The following DDX60L variants were observed in gnomAD, a reference collection of about 807,000 sequenced individuals.
DDX60L encodes the protein probable ATP-dependent RNA helicase DDX60-like.
In DDX60L, 191 loss-of-function variants were observed where a neutral mutation model predicts 211.6. The observed-to-expected ratio is 0.90, with a 90% CI of 0.80 to 1.02. DDX60L has a LOEUF of 1.02. Among genes scored for constraint, DDX60L ranks in the 50% least tolerant of loss-of-function variants. DDX60L has a pLI of 0.00. For synonymous variants in DDX60L, 706 were observed against 694.1 expected (o/e 1.02, Z -0.27); for missense variants, 2,007 against 1,984.1 (o/e 1.01, Z -0.22).
intron 22 of DDX60L, among the ~76,000 whole-genome samples, chr4:168,410,430 G>T (rs928834776): frequency 2.0e-4 from 31 of 152,304 alleles, no homozygotes; most frequent in Non-Finnish European, 3.7e-4. Context: ...GAAAGTCTAA[G>T]TTATAGAAGA....
rs776385903 is a variant in DDX60L, at chr4:168,394,594, T to G, written c.3681A>C (p.Arg1227=). Residue 1227 remains arginine (R), a synonymous_variant, in exon 28 of 38, where the codon CGA becomes CGC. Coordinates refer to ENST00000682922, the MANE Select transcript of DDX60L (RefSeq NM_001012967.3). ...CTTTGCCGTGTCTTGTAAATCGCACTCGCGGTAATACCCTCTCCAAAGTCT... is the reference window on the plus strand; with the variant it reads ...CTTTGCCGTGTCTTGTAAATCGCACGCGCGGTAATACCCTCTCCAAAGTCT... ...KDSTLERVLP[R]VRFTRHGKEL... The G allele has an allele frequency of 6.2e-7, 1 of 1,612,834 alleles. No individual in the cohort carries two copies. Among genetic ancestry groups the G allele is most frequent in the Non-Finnish European group, 8.5e-7 (1 of 1,179,512 alleles).
intron 34 of DDX60L, among the ~76,000 whole-genome samples, chr4:168,374,075 G>A (rs1379974327): frequency 6.6e-6 from 1 of 151,744 alleles, no homozygotes; most frequent in African/African-American, 2.4e-5. Flanking sequence ...AAACCTCCTA[G>A]ACATGATGTT....
chr4:168,394,339 G>T, intron 28 of DDX60L, 126 bp downstream of exon 28: 1 of 664,506 alleles, frequency 1.5e-6, no homozygotes, highest in Non-Finnish European at 2.5e-6. Flanking sequence ...GTCCAGTCCA[G>T]TGAGTTGTAA....
At chr4:168,436,070 T>C (rs1753001351) in intron 10 of DDX60L, among the ~76,000 whole-genome samples, 1 of 152,000 alleles carries the variant, frequency 6.6e-6, no homozygotes. Context: ...CAATAAAAAA[T>C]AAAGTATAAT....
chr4:168,398,147 G>T (rs1360379866), intron 26 of DDX60L, among the ~76,000 whole-genome samples: 1 of 152,146 alleles, frequency 6.6e-6, no homozygotes, highest in African/African-American at 2.4e-5. Context: ...CCTTCCCTCT[G>T]CAGGTTTGGA....
Position 168,472,330 on chromosome 4 carries a change from C to A in DDX60L, c.74+125G>T, listed in dbSNP as rs141633056. ...TATAGGAAGAAGAGTGCGTTCCCAT[C>A]ATCTCCAAGCTGCTCCAAGATAAAT... On this transcript the variant is annotated intron_variant, in intron 3 of 37. Coordinates refer to ENST00000682922, the MANE Select transcript of DDX60L (RefSeq NM_001012967.3). The A allele has an allele frequency of 1.8e-4, 130 of 712,008 alleles. No homozygotes were observed. The East Asian group carries it at 3.5e-3, about 19-fold the overall frequency. 44.1% of individuals were successfully genotyped at this position (712,008 alleles called of 1,614,324 possible). A position where few individuals can be genotyped will look rare whatever the true frequency, so the allele number is the denominator to read the frequency against.
chr4:168,369,631 C>A (rs1740636742), intron 36 of DDX60L, among the ~76,000 whole-genome samples: 1 of 151,890 alleles, frequency 6.6e-6, no homozygotes, highest in African/African-American at 2.4e-5. Flanking sequence ...AAGAAAACAA[C>A]AGAGTGGAGA....
At chr4:168,420,664 G>C (rs1205378495) in intron 17 of DDX60L, among the ~76,000 whole-genome samples, 1 of 138,914 alleles carries the variant, frequency 7.2e-6, no homozygotes, top group Non-Finnish European at 1.6e-5. Flanking sequence ...TAGATAGATA[G>C]ATAGATAGAT....
In DDX60L at chr4:168,457,899, A is replaced by C; in HGVS notation, c.716T>G (p.Met239Arg). 2.0e-6 allele frequency: 3 copies of C among 1,522,552 alleles called. No individual in the cohort carries two copies. The highest frequency in any genetic ancestry group is 2.1e-5 in the Admixed American group (1 of 47,028). The allele number at this position is 1,522,552 out of a possible 1,614,324, so 94.3% of individuals were successfully genotyped here. Reference sequence around the variant, plus strand: ...AAATAAAAATTTTAATACCTCTTCCATCATATCATTCCATTTCAAATGTTC... The same window carrying C: ...AAATAAAAATTTTAATACCTCTTCCCTCATATCATTCCATTTCAAATGTTC... ...HFEHLKWNDM[M>R]EEAYQTLFLL... is the part of the protein sequence containing the mutation. The change falls in exon 6 of 38, where the codon ATG becomes AGG. Residue 239 changes from methionine to arginine, a missense_variant. Transcript: ENST00000682922.
At chr4:168,455,171 CTTTT>C (rs1442839585) in intron 7 of DDX60L, among the ~76,000 whole-genome samples, 10 of 151,212 alleles carry the variant, frequency 6.6e-5, no homozygotes, top group Non-Finnish European at 1.5e-5. Context: ...TTATTTCTTT[CTTTT>C]TCTTTTTCTT....
intron 34 of DDX60L, 73 bp downstream of exon 34, chr4:168,375,304 A>G: frequency 6.7e-7 from 1 of 1,490,432 alleles, no homozygotes; most frequent in Non-Finnish European, 9.2e-7. Flanking sequence ...GAAGCATCCA[A>G]TATCCAGAGG....
intron 33 of DDX60L, among the ~76,000 whole-genome samples, chr4:168,376,492 G>C (rs1385492257): frequency 6.6e-6 from 1 of 152,106 alleles, no homozygotes; most frequent in Non-Finnish European, 1.5e-5. Context: ...TCTTACAAAA[G>C]GCAACCGTGT....
chr4:168,410,218 T>A (rs1748448642), intron 22 of DDX60L, among the ~76,000 whole-genome samples: 1 of 151,960 alleles, frequency 6.6e-6, no homozygotes. Context: ...TTACATATTA[T>A]CAGAAAAGAA....
intron 29 of DDX60L, 68 bp downstream of exon 29, chr4:168,391,472 G>T: frequency 2.0e-6 from 2 of 1,013,964 alleles, no homozygotes; most frequent in Non-Finnish European, 3.0e-6. Context: ...TACCAGATGT[G>T]AGTGCCACAT....
intron 9 of DDX60L, among the ~76,000 whole-genome samples, chr4:168,447,905 C>A (rs1050226163): frequency 1.4e-5 from 2 of 147,342 alleles, no homozygotes; most frequent in Admixed American, 1.3e-4. Flanking sequence ...GGAGGGATAG[C>A]ATCGGGAGAT....
In DDX60L at chr4:168,358,286, T is replaced by C. The variant is rs778886855; in HGVS notation, c.4992-10A>G. On this transcript the variant is annotated splice_polypyrimidine_tract_variant and intron_variant, in intron 37 of 37. Transcript: ENST00000682922. Reference sequence around the variant, plus strand: ...TTCACTCAAGGAGTCACTGTATAAATGATAATAATAATAAAAAAATAATGA... The same window carrying C: ...TTCACTCAAGGAGTCACTGTATAAACGATAATAATAATAAAAAAATAATGA... 3.4e-6 allele frequency: 5 copies of C among 1,476,586 alleles called. No homozygotes were observed. The highest frequency in any genetic ancestry group is 1.5e-5 in the African/African-American group (1 of 68,058). 91.5% of individuals were successfully genotyped at this position (1,476,586 alleles called of 1,614,324 possible).
intron 13 of DDX60L, among the ~76,000 whole-genome samples, chr4:168,428,719 C>T (rs938993305): frequency 6.6e-6 from 1 of 152,166 alleles, no homozygotes; most frequent in Non-Finnish European, 1.5e-5. Context: ...GAGAGAAGTA[C>T]TGAAGCCTAA....
intron 33 of DDX60L, among the ~76,000 whole-genome samples, chr4:168,375,919 A>ATAT: frequency 6.6e-6 from 1 of 152,198 alleles, no homozygotes; most frequent in African/African-American, 2.4e-5. Context: ...TTGCTGCCCC[A>ATAT]AGCACTTGTT....
Position 168,384,670 on chromosome 4 carries a change from A to G in DDX60L, c.4058T>C (p.Val1353Ala), listed in dbSNP as rs536462387. 120 of 1,613,964 alleles carry G rather than the reference A, an allele frequency of 7.4e-5. 1 individual carries two copies. The South Asian group carries it at 1.2e-3, about 17-fold the overall frequency. ...RGQFPLSITL[V>A]LRLMLLASKG... Reference sequence around the variant, plus strand: ...GGAAGCCAGCAGCATGAGTCGCAGGACCAGGGTTATGCTGAGAGGGAACTG... The same window carrying G: ...GGAAGCCAGCAGCATGAGTCGCAGGGCCAGGGTTATGCTGAGAGGGAACTG... The change falls in exon 30 of 38, where the codon GTC (valine) becomes GCC (alanine). Residue 1353 changes from valine to alanine, a missense_variant. By Grantham distance (64) the Val-to-Ala change is moderately conservative. Transcript: ENST00000682922.
Sources: gnomAD v4.1 joint callset for allele counts (sites outside exome capture counted in the v4.1 genomes callset) on GRCh38, gnomAD v4.1.1 for gene constraint, MANE v1.5 for transcripts, NCBI Gene and HGNC (gene_info 2026-07-23, HGNC 2026-07-21) for gene names.